Variants in PNLIPRP1 observed in about 807,000 individuals in gnomAD.
PNLIPRP1 encodes pancreatic lipase related protein 1, also known as inactive pancreatic lipase-related protein 1.
In PNLIPRP1, 57 loss-of-function variants were observed where a neutral mutation model predicts 54.6. The ratio of observed to expected loss-of-function variants is 1.04; its 90% CI spans 0.84 to 1.30. PNLIPRP1 has a LOEUF of 1.30. PNLIPRP1 is among the 50% of genes most tolerant of loss of function. PNLIPRP1 has a pLI of 0.00. For missense variants in PNLIPRP1, 567 were observed against 568.5 expected (o/e 1.00, Z 0.03); for synonymous variants, 232 against 208.8 (o/e 1.11, Z -0.96).
At chr10:116,599,970 C>T (rs1847804188) in intron 8 of PNLIPRP1, 77 bp from the exon 9 acceptor site, 4 of 873,130 alleles carry the variant, frequency 4.6e-6, no homozygotes, top group Admixed American at 1.9e-5. Context: ...TTGGAACCAT[C>T]CCATTTGGAG....
In PNLIPRP1 at chr10:116,592,235, C is replaced by A. The variant is rs375266315; in HGVS notation, c.205-181C>A. ...AACCACAATCCAGGCCTAGTGGAAG[C>A]AGTGATTACTCACCTGGAGAGATGG... On this transcript the variant is annotated intron_variant, in intron 3 of 12. Transcript: ENST00000358834. 106 of 687,552 alleles carry A rather than the reference C, an allele frequency of 1.5e-4. No individual in the cohort carries two copies. In the African/African-American group the frequency reaches 1.8e-3, roughly 12 times the overall value. The allele number at this position is 687,552 out of a possible 1,614,324, so 42.6% of individuals were successfully genotyped here.
intron 12 of PNLIPRP1, among the ~76,000 whole-genome samples, chr10:116,607,656 A>G (rs7905887): frequency 0.68 from 103,465 of 152,002 alleles, 35,552 homozygotes; most frequent in East Asian, 0.97. Flanking sequence ...CAGAAGAGAA[A>G]GTGGGAAGGG....
chr10:116,592,301 T>C lies in PNLIPRP1; in HGVS notation c.205-115T>C, dbSNP rs1847652940. 3.3e-6 allele frequency: 4 copies of C among 1,209,314 alleles called. 1 individual carries two copies. The highest frequency in any genetic ancestry group is 4.6e-6 in the Non-Finnish European group (4 of 868,700). The allele number at this position is 1,209,314 out of a possible 1,614,324, so 74.9% of individuals were successfully genotyped here. A position where few individuals can be genotyped will look rare whatever the true frequency, so the allele number is the denominator to read the frequency against. On this transcript the variant is annotated intron_variant, in intron 3 of 12. Coordinates refer to ENST00000358834, the MANE Select transcript of PNLIPRP1 (RefSeq NM_006229.4). ...ATCAGGGTGGGCTTCATGGAAGAAG[T>C]GGCTTTTTGCTAAGCTTTGAAAAGT...
At position 116,598,028 on chromosome 10, in the gene PNLIPRP1, GT is replaced by G. The variant is rs1348249918; in HGVS notation, c.695-14del. ...AGTCCTGCATGACAAAAAGCTCATT[GT>G]TTTTCTAAGCATTTCAGGTTTTGGA... On this transcript the variant is annotated intron_variant, in intron 7 of 12. Coordinates refer to ENST00000358834, the MANE Select transcript of PNLIPRP1 (RefSeq NM_006229.4). 1.2e-6 allele frequency: 2 copies of G among 1,614,062 alleles called. No homozygotes were observed. The highest frequency in any genetic ancestry group is 4.5e-5 in the East Asian group (2 of 44,876).
Position 116,604,120 on chromosome 10 carries a change from A to C in PNLIPRP1, c.1154A>C (p.His385Pro). 6.3e-7 allele frequency: 1 copy of C among 1,597,456 alleles called. No homozygotes were observed. The highest frequency in any genetic ancestry group is 8.6e-7 in the Non-Finnish European group (1 of 1,164,936). ...VALFGNKGNT[H>P]QYSIFRGILK... ...TTGTTTGGAAATAAGGGAAACACTC[A>C]CCAGTACAGTATCTTCAGGTAATTT... is the stretch of plus-strand genomic sequence containing the variant. Residue 385 changes from histidine (H) to proline (P), a missense_variant, in exon 11 of 13, where the codon CAC (histidine) becomes CCC (proline). Physicochemically the swap from His to Pro is moderately conservative, Grantham distance 77 (BLOSUM62 -2). Transcript: ENST00000358834.
chr10:116,596,553 T>C (rs1448275308), intron 6 of PNLIPRP1, among the ~76,000 whole-genome samples: 1 of 152,176 alleles, frequency 6.6e-6, no homozygotes, highest in African/African-American at 2.4e-5. Context: ...ACCTCTGTCC[T>C]AGCCCCTCCT....
At chr10:116,597,216 CAAT>C (rs569858168) in intron 6 of PNLIPRP1, among the ~76,000 whole-genome samples, 9 of 152,194 alleles carry the variant, frequency 5.9e-5, no homozygotes, top group Non-Finnish European at 1.2e-4. Flanking sequence ...TTGTCAAAAA[CAAT>C]AATTATTAAT....
Position 116,603,911 on chromosome 10 carries a change from T to G in PNLIPRP1, c.1064-119T>G, listed in dbSNP as rs971470762. On this transcript the variant is annotated intron_variant, in intron 10 of 12. Coordinates refer to ENST00000358834, the MANE Select transcript of PNLIPRP1 (RefSeq NM_006229.4). The stretch of plus-strand genomic sequence containing the variant: ...CCATCTCAAAAAATAATAATAATAA[T>G]TTTTTAGAAAAGAATTTCTTATGCT... The G allele has an allele frequency of 1.9e-5, 10 of 518,088 alleles. No individual in the cohort carries two copies. In the African/African-American group the frequency reaches 1.9e-4, roughly 10 times the overall value. The allele number at this position is 518,088 out of a possible 1,614,324, so 32.1% of individuals were successfully genotyped here.
intron 9 of PNLIPRP1, chr10:116,600,368 G>A (rs1462947924): frequency 3.8e-5 from 18 of 468,094 alleles, no homozygotes; most frequent in Non-Finnish European, 5.7e-5. Context: ...GAGTTATGTG[G>A]CAGAGGAAAA....
intron 10 of PNLIPRP1, among the ~76,000 whole-genome samples, chr10:116,603,208 G>A (rs1259270970): frequency 6.6e-6 from 1 of 152,158 alleles, no homozygotes; most frequent in Non-Finnish European, 1.5e-5. Flanking sequence ...GCCCTGGGGA[G>A]CAGAGAGGAA....
intron 11 of PNLIPRP1, among the ~76,000 whole-genome samples, 157 bp downstream of exon 11, chr10:116,604,295 C>G (rs1226115577): frequency 6.6e-6 from 1 of 152,244 alleles, no homozygotes; most frequent in African/African-American, 2.4e-5. Context: ...ACCACATACA[C>G]AACAGTTGCT....
chr10:116,598,973 G>A (rs1298411796), intron 8 of PNLIPRP1, among the ~76,000 whole-genome samples: 1 of 152,160 alleles, frequency 6.6e-6, no homozygotes, highest in East Asian at 1.9e-4. Context: ...AATGAGGACA[G>A]GCCAGCTGTG....
chr10:116,597,782 T>C (rs782430399), intron 6 of PNLIPRP1, 46 bp from the exon 7 acceptor site: 1 of 1,612,694 alleles, frequency 6.2e-7, no homozygotes, highest in Non-Finnish European at 8.5e-7. Context: ...GCTGCTGACA[T>C]CTACAGTCAG....
Position 116,592,513 on chromosome 10 carries a change from A to G in PNLIPRP1, c.302A>G (p.Asp101Gly). Residue 101 changes from aspartate (D) to glycine (G), a missense_variant, in exon 4 of 13, where the codon GAT (aspartate) becomes GGT (glycine). Physicochemically the swap from Asp to Gly is moderately conservative, Grantham distance 94. Coordinates refer to ENST00000358834, the MANE Select transcript of PNLIPRP1 (RefSeq NM_006229.4). Reference protein sequence around the residue: ...FIIHGFIDKGDESWVTDMCKK... With the variant: ...FIIHGFIDKGGESWVTDMCKK... ...ATCCATGGCTTCATAGACAAAGGAG[A>G]TGAGAGCTGGGTGACAGACATGTGC... 6.2e-7 allele frequency: 1 copy of G among 1,614,192 alleles called. No individual in the cohort carries two copies. The highest frequency in any genetic ancestry group is 1.3e-5 in the African/African-American group (1 of 75,052).
chr10:116,596,860 T>C (rs1299277855), intron 6 of PNLIPRP1, among the ~76,000 whole-genome samples: 2 of 152,148 alleles, frequency 1.3e-5, no homozygotes, highest in African/African-American at 4.8e-5. Flanking sequence ...AATATGATGG[T>C]GATAATAATA....
At chr10:116,592,379 G>T in intron 3 of PNLIPRP1, 37 bp from the exon 4 acceptor site, 1 of 1,557,784 alleles carries the variant, frequency 6.4e-7, no homozygotes. Flanking sequence ...GTGAGGCTGG[G>T]CTGCGAAAAC....
At chr10:116,602,121 T>TCCCCC (rs1554864884) in intron 10 of PNLIPRP1, among the ~76,000 whole-genome samples, 2 of 151,890 alleles carry the variant, frequency 1.3e-5, no homozygotes, top group Non-Finnish European at 2.9e-5. Flanking sequence ...GTTCACGCCA[T>TCCCCC]TCTCCTGCCT....
rs1186441228 is a variant in PNLIPRP1, at chr10:116,591,871, G to A, written c.150G>A (p.Glu50=). The change falls in exon 3 of 13, where the codon GAG becomes GAA. Residue 50 remains glutamate, a synonymous_variant. Coordinates refer to ENST00000358834, the MANE Select transcript of PNLIPRP1 (RefSeq NM_006229.4). ...RPLKILPWSP[E]KIGTRFLLYT... is the part of the protein sequence containing the mutation. ...TGAAAATTCTCCCCTGGAGCCCTGA[G>A]AAGATCGGCACCCGCTTCCTGCTGT... 2 of 1,614,106 alleles carry A rather than the reference G, an allele frequency of 1.2e-6. No homozygotes were observed. The highest frequency in any genetic ancestry group is 2.2e-5 in the East Asian group (1 of 44,894).
At chr10:116,594,610 G>A in intron 4 of PNLIPRP1, 120 bp from the exon 5 acceptor site, 2 of 1,079,436 alleles carry the variant, frequency 1.9e-6, no homozygotes, top group South Asian at 1.4e-5. Flanking sequence ...CCCTAACAGA[G>A]TCTAGTTTAT....
Sources: allele counts gnomAD v4.1 joint callset (sites outside exome capture counted in the v4.1 genomes callset), GRCh38; gene constraint gnomAD v4.1.1; transcripts MANE v1.5; gene names NCBI Gene and HGNC (gene_info 2026-07-23, HGNC 2026-07-21).